The following MITF variants were observed in gnomAD, a reference collection of about 807,000 sequenced individuals.
MITF encodes microphthalmia-associated transcription factor.
In MITF, 17 loss-of-function variants were observed where a neutral mutation model predicts 60.5. That is an observed-to-expected ratio of 0.28 (90% CI 0.19 to 0.42). MITF has a LOEUF of 0.42. MITF is among the 10% of genes least tolerant of loss of function. The probability of loss-of-function intolerance (pLI) is 1.00; values close to 1 mark genes in which losing one functional copy is unlikely to be tolerated. For synonymous variants in MITF, 260 were observed against 248.5 expected (o/e 1.05, Z -0.43); for missense variants, 622 against 683.5 (o/e 0.91, Z 1.00).
intron 1 of MITF, among the ~76,000 whole-genome samples, chr3:69,871,285 A>C (rs753151216): frequency 2.0e-5 from 3 of 152,200 alleles, no homozygotes; most frequent in Non-Finnish European, 2.9e-5. Flanking sequence ...GAATAGGGAT[A>C]ACCCTTACTT....
intron 1 of MITF, among the ~76,000 whole-genome samples, chr3:69,794,172 G>A (rs2062790328): frequency 6.6e-6 from 1 of 152,070 alleles, no homozygotes; most frequent in Non-Finnish European, 1.5e-5. Flanking sequence ...GATCACTGAG[G>A]GAAACTGCTG....
intron 2 of MITF, among the ~76,000 whole-genome samples, chr3:69,912,581 C>A (rs975321939): frequency 6.6e-6 from 1 of 152,062 alleles, no homozygotes; most frequent in African/African-American, 2.4e-5. Flanking sequence ...GGAACTTTGC[C>A]TATGATTTCT....
chr3:69,818,820 A>G (rs2063221069), intron 1 of MITF, among the ~76,000 whole-genome samples: 1 of 152,206 alleles, frequency 6.6e-6, no homozygotes, highest in Non-Finnish European at 1.5e-5. Context: ...ATATTTTTAA[A>G]TTGGAGAAGT....
intron 2 of MITF, among the ~76,000 whole-genome samples, chr3:69,918,574 T>G (rs2065391386): frequency 6.6e-6 from 1 of 152,188 alleles, no homozygotes; most frequent in Non-Finnish European, 1.5e-5. Context: ...CATATTTGGT[T>G]GGTTTGGAGT....
At chr3:69,829,329 T>A (rs1314544020) in intron 1 of MITF, among the ~76,000 whole-genome samples, 1 of 152,176 alleles carries the variant, frequency 6.6e-6, no homozygotes, top group Non-Finnish European at 1.5e-5. Flanking sequence ...CTTCTGTTAT[T>A]CTATAGGCGT....
intron 2 of MITF, among the ~76,000 whole-genome samples, chr3:69,884,239 G>T (rs1328450248): frequency 6.6e-6 from 1 of 152,132 alleles, no homozygotes; most frequent in Admixed American, 6.6e-5. Flanking sequence ...TGGAAGGAAC[G>T]ACTGTTAACA....
At chr3:69,945,436 GTC>G (rs1007347740) in intron 5 of MITF, among the ~76,000 whole-genome samples, 13 of 152,146 alleles carry the variant, frequency 8.5e-5, no homozygotes, top group Admixed American at 5.2e-4. Context: ...AATAGAAGAA[GTC>G]TCTTCCTTTT....
chr3:69,917,871 A>C (rs1438742241), intron 2 of MITF, among the ~76,000 whole-genome samples: 1 of 151,458 alleles, frequency 6.6e-6, no homozygotes, highest in Admixed American at 6.6e-5. Context: ...TTTTTGAATA[A>C]GACAACTTTT....
chr3:69,808,526 G>C (rs543190646), intron 1 of MITF, among the ~76,000 whole-genome samples: 2 of 152,258 alleles, frequency 1.3e-5, no homozygotes, highest in East Asian at 3.9e-4. Context: ...AAGAGGAGTT[G>C]ATCTGGTCAT....
intron 2 of MITF, among the ~76,000 whole-genome samples, chr3:69,928,033 T>C (rs540994601): frequency 8.5e-5 from 13 of 152,252 alleles, no homozygotes; most frequent in Non-Finnish European, 1.8e-4. Context: ...TGTACTGTTA[T>C]AGCTTGAAAG....
intron 1 of MITF, among the ~76,000 whole-genome samples, chr3:69,844,250 A>C (rs1194062265): frequency 6.6e-6 from 1 of 152,214 alleles, no homozygotes; most frequent in East Asian, 1.9e-4. Flanking sequence ...CCAAAACAGC[A>C]TGGTATTGGT....
chr3:69,918,870 A>G (rs1400401073), intron 2 of MITF, among the ~76,000 whole-genome samples: 1 of 152,212 alleles, frequency 6.6e-6, no homozygotes, highest in African/African-American at 2.4e-5. Flanking sequence ...TCCAATAACT[A>G]TTTTGAATAT....
At chr3:69,884,180 A>C (rs2064556412) in intron 2 of MITF, among the ~76,000 whole-genome samples, 1 of 152,174 alleles carries the variant, frequency 6.6e-6, no homozygotes. Flanking sequence ...AGAATAGTTC[A>C]ATATGAATCT....
At chr3:69,951,738 G>T (rs1316425274) in intron 6 of MITF, 74 bp from the exon 7 acceptor site, 16 of 1,092,460 alleles carry the variant, frequency 1.5e-5, no homozygotes, top group South Asian at 2.6e-5. Context: ...TTTGGGAAAT[G>T]AGATATTTTG....
intron 1 of MITF, among the ~76,000 whole-genome samples, chr3:69,808,484 T>G (rs541302106): frequency 6.6e-6 from 1 of 152,212 alleles, no homozygotes; most frequent in Non-Finnish European, 1.5e-5. Context: ...TACCAATTTA[T>G]AGCTGTAAAA....
intron 1 of MITF, among the ~76,000 whole-genome samples, chr3:69,743,656 C>T (rs1057301028): frequency 3.3e-5 from 5 of 152,110 alleles, no homozygotes; most frequent in Admixed American, 6.5e-5. Context: ...CCGTTTCCTC[C>T]GACAAGGTTT....
chr3:69,873,573 C>T (rs1575856372), intron 1 of MITF, among the ~76,000 whole-genome samples: 1 of 152,272 alleles, frequency 6.6e-6, no homozygotes, highest in Non-Finnish European at 1.5e-5. Flanking sequence ...TTTGTTTGGT[C>T]TCATAGCCTA....
At chr3:69,951,251 A>G (rs2066245358) in intron 6 of MITF, among the ~76,000 whole-genome samples, 1 of 151,606 alleles carries the variant, frequency 6.6e-6, no homozygotes, top group Non-Finnish European at 1.5e-5. Flanking sequence ...ATGCACCACC[A>G]TGCTGGACTT....
At chr3:69,927,555 A>G (rs1009643781) in intron 2 of MITF, among the ~76,000 whole-genome samples, 4 of 152,234 alleles carry the variant, frequency 2.6e-5, no homozygotes, top group Non-Finnish European at 2.9e-5. Context: ...AATTTGATAT[A>G]TGAAATTCAA....
Sources: gnomAD v4.1 joint callset for allele counts (sites outside exome capture counted in the v4.1 genomes callset) on GRCh38, gnomAD v4.1.1 for gene constraint, MANE v1.5 for transcripts, NCBI Gene and HGNC (gene_info 2026-07-23, HGNC 2026-07-21) for gene names.